The following DOK5 variants were observed in gnomAD, a reference collection of about 807,000 sequenced individuals.
The protein encoded by DOK5 is docking protein 5, also known as downstream of tyrosine kinase 5.
A neutral mutation model predicts 43.3 loss-of-function variants in DOK5; 27 were observed. That is an observed-to-expected ratio of 0.62 (90% CI 0.46 to 0.86). The LOEUF is 0.86. Among genes scored for constraint, DOK5 ranks in the 40% least tolerant of loss-of-function variants. DOK5 has a pLI of 0.00. For synonymous variants in DOK5, 146 were observed against 140.1 expected (o/e 1.04, Z -0.30); for missense variants, 373 against 392.9 (o/e 0.95, Z 0.43).
At chr20:54,594,968 A>T (rs947707656) in intron 5 of DOK5, among the ~76,000 whole-genome samples, 25 of 152,122 alleles carry the variant, frequency 1.6e-4, no homozygotes, top group Non-Finnish European at 3.4e-4. Context: ...AGATACTTGG[A>T]GGCTGGTATG....
At chr20:54,517,662 GA>G (rs1983244894) in intron 1 of DOK5, among the ~76,000 whole-genome samples, 1 of 152,112 alleles carries the variant, frequency 6.6e-6, no homozygotes, top group Admixed American at 6.6e-5. Context: ...GCAGTGGCTG[GA>G]ATATTTATGC....
At chr20:54,489,594 C>CT (rs899956839) in intron 1 of DOK5, among the ~76,000 whole-genome samples, 24 of 151,318 alleles carry the variant, frequency 1.6e-4, no homozygotes, top group South Asian at 4.2e-4. Context: ...TCCTTCCTTC[C>CT]TTTTTTTTGT....
intron 4 of DOK5, among the ~76,000 whole-genome samples, chr20:54,589,685 C>T (rs1985922529): frequency 1.3e-5 from 2 of 152,126 alleles, no homozygotes; most frequent in South Asian, 4.1e-4. Context: ...TGATTACGGA[C>T]ATGGCAGAGA....
chr20:54,580,969 C>G (rs77467653), intron 2 of DOK5, among the ~76,000 whole-genome samples: 13,762 of 151,990 alleles, frequency 0.091, 1,862 homozygotes, highest in African/African-American at 0.3. Flanking sequence ...TGTCATAAAG[C>G]CTTTTCCCTC....
At chr20:54,502,638 CAT>C (rs1296308073) in intron 1 of DOK5, among the ~76,000 whole-genome samples, 3 of 152,142 alleles carry the variant, frequency 2.0e-5, no homozygotes, top group Admixed American at 6.5e-5. Context: ...GTATATATGT[CAT>C]GTGTGTGTAC....
At chr20:54,557,706 C>G (rs1292971541) in intron 2 of DOK5, among the ~76,000 whole-genome samples, 3 of 152,180 alleles carry the variant, frequency 2.0e-5, no homozygotes, top group Non-Finnish European at 4.4e-5. Context: ...TGCTCTCCCC[C>G]AGGTACCCAC....
At chr20:54,534,306 G>A (rs1983878936) in intron 1 of DOK5, among the ~76,000 whole-genome samples, 1 of 152,150 alleles carries the variant, frequency 6.6e-6, no homozygotes, top group Non-Finnish European at 1.5e-5. Context: ...TCCCACTTCA[G>A]CCTCCAGAGT....
In DOK5 at chr20:54,475,714, G is replaced by T. The variant is rs1981390065; in HGVS notation, c.-233G>T. The T allele has an allele frequency of 5.1e-6, 3 of 585,014 alleles. No homozygotes were observed. The highest frequency in any genetic ancestry group is 8.9e-6 in the Non-Finnish European group (3 of 338,666). 36.2% of individuals were successfully genotyped at this position (585,014 alleles called of 1,614,324 possible). On this transcript the variant is annotated 5_prime_UTR_variant, in exon 1 of 8. Coordinates refer to ENST00000262593, the MANE Select transcript of DOK5 (RefSeq NM_018431.5). The surrounding 1 kb of genome is among the most constrained non-coding windows in gnomAD (Gnocchi z 4.2). ...GCCGGCGCTCCAGCCTCGCCTCCCC[G>T]CGCCGCGCTCTGCGCTCCCCGAAAG...
At chr20:54,556,522 A>G (rs899125072) in intron 2 of DOK5, among the ~76,000 whole-genome samples, 3 of 152,180 alleles carry the variant, frequency 2.0e-5, no homozygotes, top group African/African-American at 7.2e-5. Flanking sequence ...TTTGAACCAG[A>G]TGTATTATGG....
chr20:54,624,417 G>T (rs1425176953), intron 6 of DOK5, among the ~76,000 whole-genome samples: 1 of 152,218 alleles, frequency 6.6e-6, no homozygotes, highest in East Asian at 1.9e-4. Context: ...CAGGGACAAG[G>T]CCCCATGGGT....
At chr20:54,632,586 G>A (rs1978620132) in intron 6 of DOK5, among the ~76,000 whole-genome samples, 1 of 152,174 alleles carries the variant, frequency 6.6e-6, no homozygotes, top group Non-Finnish European at 1.5e-5. Context: ...ATTAAATAAT[G>A]AGCCTAGGGT....
chr20:54,591,873 C>T (rs894508884), intron 5 of DOK5, 68 bp downstream of exon 5: 15 of 1,415,856 alleles, frequency 1.1e-5, no homozygotes, highest in African/African-American at 1.4e-5. Flanking sequence ...TTACCATGCT[C>T]GCATCATATG....
At chr20:54,508,746 G>A (rs6098037) in intron 1 of DOK5, among the ~76,000 whole-genome samples, 3,117 of 150,394 alleles carry the variant, frequency 0.021, 105 homozygotes, top group African/African-American at 0.072. Flanking sequence ...ACACCTGGCT[G>A]ATTTTGTATT....
intron 5 of DOK5, among the ~76,000 whole-genome samples, chr20:54,596,154 A>G (rs1986133731): frequency 6.6e-6 from 1 of 152,256 alleles, no homozygotes; most frequent in Non-Finnish European, 1.5e-5. Flanking sequence ...TCAGGATAAT[A>G]AGATCATTCG....
rs1196336272 is a variant in DOK5 at position 54,526,290 on chromosome 20, G to A, written c.67-28643G>A. 3.9e-5 allele frequency among the ~76,000 whole-genome samples: 6 copies of A among 152,116 alleles called. No individual in the cohort carries two copies. The South Asian group carries it at 6.2e-4, about 16-fold the overall frequency. ...AAAGAGCACTTTCAGTCTGAGGGGT[G>A]TCTTTTCTGTGCATTGTGAAGGGTG... On this transcript the variant is annotated intron_variant, in intron 1 of 7. Coordinates refer to ENST00000262593, the MANE Select transcript of DOK5 (RefSeq NM_018431.5).
At chr20:54,603,010 G>A (rs1986345539) in intron 5 of DOK5, among the ~76,000 whole-genome samples, 1 of 152,132 alleles carries the variant, frequency 6.6e-6, no homozygotes, top group African/African-American at 2.4e-5. Flanking sequence ...ATTTATAACA[G>A]GGGATACTGG....
intron 5 of DOK5, among the ~76,000 whole-genome samples, chr20:54,604,162 G>A (rs906831088): frequency 5.9e-5 from 9 of 151,728 alleles, no homozygotes; most frequent in African/African-American, 2.2e-4. Flanking sequence ...TAGCCAGGAT[G>A]GTCTCGATCT....
intron 5 of DOK5, among the ~76,000 whole-genome samples, chr20:54,601,962 T>C (rs1986311063): frequency 6.6e-6 from 1 of 152,164 alleles, no homozygotes; most frequent in African/African-American, 2.4e-5. Context: ...CACCCACCCA[T>C]GAGCCTCCAC....
chr20:54,596,585 G>A lies in DOK5; in HGVS notation c.599+4780G>A, dbSNP rs544155209. Among the ~76,000 whole-genome samples, 80 of 152,334 alleles carry A rather than the reference G, an allele frequency of 5.3e-4. 1 individual carries two copies. Among genetic ancestry groups the A allele is most frequent in the African/African-American group, 1.7e-3 (72 of 41,590 alleles). On this transcript the variant is annotated intron_variant, in intron 5 of 7. Coordinates refer to ENST00000262593, the MANE Select transcript of DOK5 (RefSeq NM_018431.5). ...TCTATCACATACTGGCTGTGGGAAC[G>A]TGGATATGTCACTTAACTCACCGAG...
Sources: gnomAD v4.1 joint callset for allele counts (sites outside exome capture counted in the v4.1 genomes callset) on GRCh38, gnomAD v4.1.1 for gene constraint, Gnocchi (gnomAD v3.1) non-coding constraint, MANE v1.5 for transcripts, NCBI Gene and HGNC (gene_info 2026-07-23, HGNC 2026-07-21) for gene names.